MYO3A: variants seen among roughly 807,000 people sequenced by gnomAD.
The protein encoded by MYO3A is myosin-IIIa.
A neutral mutation model predicts 192.7 loss-of-function variants in MYO3A; 180 were observed. The ratio of observed to expected loss-of-function variants is 0.93; its 90% CI spans 0.83 to 1.06. MYO3A has a LOEUF of 1.06. Among genes scored for constraint, MYO3A ranks in the 50% least tolerant of loss-of-function variants. MYO3A has a pLI of 0.00. For missense variants in MYO3A, 1,896 were observed against 1,905.0 expected (o/e 1.00, Z 0.09); for synonymous variants, 628 against 645.3 (o/e 0.97, Z 0.41).
At chr10:26,067,727 C>A (rs1358775002) in intron 11 of MYO3A, among the ~76,000 whole-genome samples, 2 of 152,174 alleles carry the variant, frequency 1.3e-5, no homozygotes, top group Non-Finnish European at 2.9e-5. Context: ...CTAGTCTCAG[C>A]CTACTTTCCC....
chr10:26,159,696 G>C (rs1422763719), intron 26 of MYO3A, among the ~76,000 whole-genome samples: 2 of 152,122 alleles, frequency 1.3e-5, no homozygotes, highest in Non-Finnish European at 2.9e-5. Context: ...GTTTTCTTTA[G>C]AGACCTGGGA....
intron 24 of MYO3A, among the ~76,000 whole-genome samples, chr10:26,154,272 C>T (rs1253282909): frequency 6.6e-6 from 1 of 152,116 alleles, no homozygotes; most frequent in African/African-American, 2.4e-5. Context: ...ACCTCTGCCT[C>T]CCAGGCTCAA....
At chr10:25,936,991 ATGCAG>A in intron 2 of MYO3A, among the ~76,000 whole-genome samples, 1 of 152,162 alleles carries the variant, frequency 6.6e-6, no homozygotes, top group African/African-American at 2.4e-5. Flanking sequence ...TTGATAAAAA[ATGCAG>A]AACCTCATAT....
At chr10:26,026,664 C>A (rs897439836) in intron 10 of MYO3A, 132 bp downstream of exon 10, 8 of 1,010,744 alleles carry the variant, frequency 7.9e-6, no homozygotes, top group Non-Finnish European at 1.2e-5. Context: ...TGAATGTCAC[C>A]TGTTGAAATG....
rs558625443 is a variant in MYO3A at position 25,996,088 on chromosome 10, C to T, written c.304-402C>T. ...TCTGCTACCTTTTGTTTGGCTATGC[C>T]CTGCCCCCACAGGTGGAGTCTACAG... On this transcript the variant is annotated intron_variant, in intron 4 of 34. Coordinates refer to ENST00000642920, the MANE Select transcript of MYO3A (RefSeq NM_017433.5). 3.3e-5 allele frequency among the ~76,000 whole-genome samples: 5 copies of T among 152,328 alleles called. No homozygotes were observed. The South Asian group carries it at 6.2e-4, about 19-fold the overall frequency.
At chr10:26,075,012 T>C (rs1027345181) in intron 14 of MYO3A, among the ~76,000 whole-genome samples, 3 of 152,220 alleles carry the variant, frequency 2.0e-5, no homozygotes, top group East Asian at 1.9e-4. Context: ...TTCTTTATGA[T>C]GTCCTCTTAG....
intron 2 of MYO3A, among the ~76,000 whole-genome samples, chr10:25,943,323 A>C (rs1169396125): frequency 6.6e-6 from 1 of 152,064 alleles, no homozygotes; most frequent in Non-Finnish European, 1.5e-5. Context: ...AGGAAGTATA[A>C]AACCTCCAAC....
In MYO3A at chr10:26,070,347, T is replaced by C; in HGVS notation, c.1305T>C (p.Ala435=). 6.2e-7 allele frequency: 1 copy of C among 1,613,402 alleles called. No individual in the cohort carries two copies. The highest frequency in any genetic ancestry group is 8.5e-7 in the Non-Finnish European group (1 of 1,179,518). The part of the protein sequence containing the change: ...QCIVISGESG[A]GKTENAHLLV... The stretch of plus-strand genomic sequence containing the variant: ...TTGTTATTTCTGGAGAAAGTGGTGC[T>C]GGAAAGACTGAAAATGCTCATCTTT... The change falls in exon 14 of 35, where the codon GCT becomes GCC. Residue 435 remains alanine, a synonymous_variant. Transcript: ENST00000642920.
At chr10:26,208,852 A>G (rs1844095614) in intron 34 of MYO3A, among the ~76,000 whole-genome samples, 1 of 152,158 alleles carries the variant, frequency 6.6e-6, no homozygotes, top group African/African-American at 2.4e-5. Flanking sequence ...ATTCATTTGC[A>G]TATATGTCCA....
At chr10:26,155,246 A>G (rs1174146508) in intron 25 of MYO3A, among the ~76,000 whole-genome samples, 2 of 152,202 alleles carry the variant, frequency 1.3e-5, no homozygotes, top group African/African-American at 4.8e-5. Context: ...TAAAAACCTC[A>G]AAAGGAAAAT....
chr10:25,979,006 C>T (rs1420851262), intron 4 of MYO3A, among the ~76,000 whole-genome samples: 1 of 152,084 alleles, frequency 6.6e-6, no homozygotes, highest in Non-Finnish European at 1.5e-5. Flanking sequence ...ACATTGTTTG[C>T]TTAGATCTGT....
chr10:26,040,013 C>T (rs977928210), intron 10 of MYO3A, among the ~76,000 whole-genome samples: 3 of 152,026 alleles, frequency 2.0e-5, no homozygotes, highest in African/African-American at 7.2e-5. Flanking sequence ...GCACTGATAG[C>T]TATAAATTTC....
At chr10:26,158,254 A>ATTT (rs71521668) in intron 26 of MYO3A, among the ~76,000 whole-genome samples, 6 of 141,466 alleles carry the variant, frequency 4.2e-5, no homozygotes, top group African/African-American at 1.5e-4. Flanking sequence ...GTTTTATTTT[A>ATTT]TTTTTTTTTT....
intron 34 of MYO3A, 132 bp from the exon 35 acceptor site, chr10:26,211,711 C>T: frequency 1.5e-6 from 2 of 1,369,400 alleles, no homozygotes; most frequent in Non-Finnish European, 2.0e-6. Flanking sequence ...CCAGTCGTTT[C>T]GATTGTGCCT....
At chr10:26,197,122 A>G (rs1468302902) in intron 32 of MYO3A, among the ~76,000 whole-genome samples, 1 of 152,240 alleles carries the variant, frequency 6.6e-6, no homozygotes, top group African/African-American at 2.4e-5. Flanking sequence ...CCAAGGAAGA[A>G]GGCCTTAATC....
At chr10:25,944,680 A>G (rs1836723626) in intron 2 of MYO3A, among the ~76,000 whole-genome samples, 1 of 151,994 alleles carries the variant, frequency 6.6e-6, no homozygotes, top group African/African-American at 2.4e-5. Flanking sequence ...AGTTTATCCA[A>G]TTTGTTGGCA....
At chr10:26,160,451 T>A (rs563930639) in intron 26 of MYO3A, among the ~76,000 whole-genome samples, 2 of 152,286 alleles carry the variant, frequency 1.3e-5, no homozygotes, top group South Asian at 4.1e-4. Flanking sequence ...GAGACCAGCC[T>A]GGGCAATGTA....
intron 32 of MYO3A, among the ~76,000 whole-genome samples, chr10:26,195,596 AC>A (rs1159165455): frequency 5.9e-5 from 9 of 151,600 alleles, no homozygotes; most frequent in African/African-American, 2.2e-4. Context: ...TCATTCATTC[AC>A]CCCTCCAAAC....
chr10:25,956,322 T>G (rs1274919758), intron 4 of MYO3A, among the ~76,000 whole-genome samples: 1 of 151,076 alleles, frequency 6.6e-6, no homozygotes, highest in East Asian at 1.9e-4. Context: ...TATATTCATA[T>G]TTTTCTATTA....
Sources: gnomAD v4.1 joint callset for allele counts (sites outside exome capture counted in the v4.1 genomes callset) on GRCh38, gnomAD v4.1.1 for gene constraint, MANE v1.5 for transcripts, NCBI Gene and HGNC (gene_info 2026-07-23, HGNC 2026-07-21) for gene names.